Variants in UBE3C observed in about 807,000 individuals in gnomAD.
UBE3C encodes the protein ubiquitin protein ligase E3C.
Under a neutral mutation model 129.4 loss-of-function variants are expected in UBE3C, and 42 were observed. The ratio of observed to expected loss-of-function variants is 0.32; its 90% CI spans 0.25 to 0.42. The LOEUF (loss-of-function observed/expected upper bound fraction) is 0.42, where lower values mean the gene tolerates loss of function less well. Ranked by LOEUF, UBE3C falls within the 10% of genes least tolerant of loss-of-function variation. UBE3C has a pLI of 1.00. For missense variants in UBE3C, 1,049 were observed against 1,319.1 expected, an observed-to-expected ratio of 0.80 and a Z score of 3.17; for synonymous variants, 510 against 492.4, an observed-to-expected ratio of 1.04 and a Z score of -0.47.
intron 2 of UBE3C, among the ~76,000 whole-genome samples, chr7:157,164,246 A>G (rs1020050271): frequency 2.6e-5 from 4 of 151,020 alleles, no homozygotes; most frequent in East Asian, 3.9e-4. Context: ...TGTAGCCTTG[A>G]CCTCCTGGGC....
At chr7:157,215,622 A>G (rs1795541567) in intron 13 of UBE3C, among the ~76,000 whole-genome samples, 1 of 151,136 alleles carries the variant, frequency 6.6e-6, no homozygotes, top group African/African-American at 2.4e-5. Context: ...GATTGTCCTG[A>G]TTTTGTTTTT....
At chr7:157,205,878 C>T (rs1809419652) in intron 11 of UBE3C, among the ~76,000 whole-genome samples, 1 of 152,162 alleles carries the variant, frequency 6.6e-6, no homozygotes, top group African/African-American at 2.4e-5. Flanking sequence ...CTCCCCTGAA[C>T]CATGCACCAT....
At chr7:157,209,097 C>A (rs1355653004) in intron 13 of UBE3C, among the ~76,000 whole-genome samples, 1 of 152,162 alleles carries the variant, frequency 6.6e-6, no homozygotes, top group Non-Finnish European at 1.5e-5. Flanking sequence ...ATGGAACTTT[C>A]TTCTTGGCCA....
intron 5 of UBE3C, among the ~76,000 whole-genome samples, chr7:157,178,220 A>C (rs927451827): frequency 3.3e-5 from 5 of 152,192 alleles, no homozygotes; most frequent in Non-Finnish European, 5.9e-5. Context: ...AGCCTCAGTC[A>C]AAATGAGAGT....
chr7:157,243,690 G>A (rs760926403), intron 18 of UBE3C, among the ~76,000 whole-genome samples: 1 of 152,118 alleles, frequency 6.6e-6, no homozygotes, highest in Non-Finnish European at 1.5e-5. Context: ...TGCGGGAGTT[G>A]ATGGTGTAGA....
At chr7:157,148,999 T>C (rs1164460586) in intron 1 of UBE3C, among the ~76,000 whole-genome samples, 2 of 152,220 alleles carry the variant, frequency 1.3e-5, no homozygotes, top group Admixed American at 6.5e-5. Context: ...AGTTATGCTG[T>C]ATCCTTTACA....
rs184779682 is a variant in UBE3C at position 157,185,502 on chromosome 7, C to G, written c.1144-1332C>G. Among the ~76,000 whole-genome samples, 658 of 152,268 alleles carry G rather than the reference C, an allele frequency of 4.3e-3. 2 individuals are homozygous for G. Among genetic ancestry groups the G allele is most frequent in the Non-Finnish European group, 5.5e-3 (376 of 68,020 alleles). On this transcript the variant is annotated intron_variant, in intron 9 of 22. Transcript: ENST00000348165. ...GTATTGTCCACATTTGGGCTGAGAACTAAAGACCCCATTTTGAGCCAGGCA... is the reference window on the plus strand; with the variant it reads ...GTATTGTCCACATTTGGGCTGAGAAGTAAAGACCCCATTTTGAGCCAGGCA...
chr7:157,151,469 A>T (rs914022470), intron 1 of UBE3C, among the ~76,000 whole-genome samples: 1 of 152,208 alleles, frequency 6.6e-6, no homozygotes, highest in African/African-American at 2.4e-5. Context: ...CTTAAAAAAC[A>T]AGTAAATAGA....
intron 10 of UBE3C, chr7:157,189,062 C>T: frequency 2.4e-6 from 1 of 424,376 alleles, no homozygotes; most frequent in South Asian, 8.9e-5. Flanking sequence ...ACCGGCTTTT[C>T]CTATAAGAAG....
At chr7:157,232,391 C>G (rs377719804) in intron 18 of UBE3C, among the ~76,000 whole-genome samples, 1 of 152,294 alleles carries the variant, frequency 6.6e-6, no homozygotes, top group Admixed American at 6.5e-5. Context: ...TCTCTCCTTG[C>G]TCTGTTGCCC....
intron 13 of UBE3C, among the ~76,000 whole-genome samples, chr7:157,210,714 G>A (rs886679): frequency 0.058 from 8,790 of 152,294 alleles, 278 homozygotes; most frequent in South Asian, 0.078. Context: ...GAACGCAGAA[G>A]CGTTTAGCCC....
chr7:157,192,856 A>G (rs893917428), intron 10 of UBE3C: 2 of 972,866 alleles, frequency 2.1e-6, no homozygotes, highest in Non-Finnish European at 3.2e-6. Context: ...AATAAAAGAC[A>G]TGAACTTAAA....
intron 10 of UBE3C, among the ~76,000 whole-genome samples, chr7:157,200,528 G>A (rs1809251292): frequency 6.6e-6 from 1 of 152,132 alleles, no homozygotes; most frequent in Admixed American, 6.5e-5. Flanking sequence ...TGTTTATCCT[G>A]TCACAAACAT....
At chr7:157,209,731 G>T (rs1809537600) in intron 13 of UBE3C, among the ~76,000 whole-genome samples, 1 of 152,166 alleles carries the variant, frequency 6.6e-6, no homozygotes, top group African/African-American at 2.4e-5. Flanking sequence ...CTTATCTTTA[G>T]TATGTAGAAA....
Position 157,207,831 on chromosome 7 carries a change from C to G in UBE3C, c.1705C>G (p.Arg569Gly). ...TTATCCAGAAACCAAGCCAGAAGTT[C>G]GAGAAGAATATATTACAGCATTTCA... Reference protein sequence around the residue: ...LAYPETKPEVREEYITAFQSI... With the variant: ...LAYPETKPEVGEEYITAFQSI... The change falls in exon 13 of 23, where the codon CGA becomes GGA. Residue 569 changes from arginine (R) to glycine (G), a missense_variant. Arg to Gly is a moderately radical substitution (Grantham distance 125, BLOSUM62 -2). Coordinates refer to ENST00000348165, the MANE Select transcript of UBE3C (RefSeq NM_014671.3). 6.2e-7 allele frequency: 1 copy of G among 1,613,878 alleles called. No homozygotes were observed. Among genetic ancestry groups the G allele is most frequent in the Non-Finnish European group, 8.5e-7 (1 of 1,179,990 alleles).
rs557370969 is a variant in UBE3C, at chr7:157,190,466, C to T, written c.1331+3445C>T. On this transcript the variant is annotated intron_variant, in intron 10 of 22. Transcript: ENST00000348165. ...AAATACAAGCACAGACTCAGGTCCT[C>T]GGCTACCAAAGCCACATTTCAAGTG... Among the ~76,000 whole-genome samples the T allele has an allele frequency of 8.5e-5, 13 of 152,290 alleles. No individual in the cohort carries two copies. In the South Asian group the frequency reaches 1.7e-3, roughly 19 times the overall value.
At chr7:157,187,642 C>G (rs1023738335) in intron 10 of UBE3C, among the ~76,000 whole-genome samples, 2 of 151,376 alleles carry the variant, frequency 1.3e-5, no homozygotes, top group Non-Finnish European at 2.9e-5. Context: ...GTGGCGCGAT[C>G]TCGGCTCACT....
At position 157,211,965 on chromosome 7, in the gene UBE3C, C is replaced by T. The variant is rs1484608548; in HGVS notation, c.1809+4030C>T. Reference sequence around the variant, plus strand: ...CTGCTGCGTCATCTGGCACTTGACTCACTTGAGGAAAACGGTTGTTTTCCA... The same window carrying T: ...CTGCTGCGTCATCTGGCACTTGACTTACTTGAGGAAAACGGTTGTTTTCCA... On this transcript the variant is annotated intron_variant, in intron 13 of 22. Transcript: ENST00000348165. Among the ~76,000 whole-genome samples, 3 of 152,210 alleles carry T rather than the reference C, an allele frequency of 2.0e-5. No homozygotes were observed. In the East Asian group the frequency reaches 5.8e-4, roughly 29 times the overall value.
At chr7:157,244,591 TA>T (rs1168350606) in intron 18 of UBE3C, among the ~76,000 whole-genome samples, 1 of 152,226 alleles carries the variant, frequency 6.6e-6, no homozygotes, top group Non-Finnish European at 1.5e-5. Context: ...TGAAAAGCAT[TA>T]TTTTTTTATT....
Sources: gnomAD v4.1 joint callset for allele counts (sites outside exome capture counted in the v4.1 genomes callset) on GRCh38, gnomAD v4.1.1 for gene constraint, MANE v1.5 for transcripts, NCBI Gene and HGNC (gene_info 2026-07-23, HGNC 2026-07-21) for gene names.